The following LCLAT1 variants were observed in gnomAD, a reference collection of about 807,000 sequenced individuals.
LCLAT1 encodes 1-AGP acyltransferase 8.
A neutral mutation model predicts 30.7 loss-of-function variants in LCLAT1; 11 were observed. The ratio of observed to expected loss-of-function variants is 0.36; its 90% CI spans 0.23 to 0.59. LCLAT1 has a LOEUF of 0.59. LCLAT1 is among the 20% of genes least tolerant of loss of function. The pLI is 0.77. For synonymous variants in LCLAT1, 155 were observed against 151.3 expected, an observed-to-expected ratio of 1.02 and a Z score of -0.18; for missense variants, 402 against 458.6, an observed-to-expected ratio of 0.88 and a Z score of 1.13.
At chr2:30,469,896 A>T (rs1682688231) in intron 1 of LCLAT1, among the ~76,000 whole-genome samples, 1 of 151,920 alleles carries the variant, frequency 6.6e-6, no homozygotes, top group Non-Finnish European at 1.5e-5. Flanking sequence ...CCTGGCCCTA[A>T]TTTTTGTATT....
intron 2 of LCLAT1, 132 bp from the exon 3 acceptor site, chr2:30,532,984 T>C: frequency 1.5e-6 from 1 of 657,066 alleles, no homozygotes; most frequent in East Asian, 2.7e-5. Flanking sequence ...TTTTTTATTA[T>C]AGAAGCAAGG....
chr2:30,548,743 TACAAGG>T (rs1664543054), intron 3 of LCLAT1, among the ~76,000 whole-genome samples: 2 of 152,202 alleles, frequency 1.3e-5, no homozygotes, highest in African/African-American at 4.8e-5. Flanking sequence ...CAAAAAACTT[TACAAGG>T]CAATTTCAAA....
chr2:30,518,503 T>C (rs1445090220), intron 1 of LCLAT1, among the ~76,000 whole-genome samples: 4 of 152,192 alleles, frequency 2.6e-5, no homozygotes, highest in Non-Finnish European at 5.9e-5. Flanking sequence ...TCTAAGTTAA[T>C]TTAGACTAAA....
intron 3 of LCLAT1, among the ~76,000 whole-genome samples, chr2:30,560,573 G>A (rs1485687227): frequency 1.3e-5 from 2 of 152,072 alleles, no homozygotes; most frequent in African/African-American, 4.8e-5. Flanking sequence ...GCTGACCTCA[G>A]GTGATCCATA....
At chr2:30,489,631 C>T (rs879795271) in intron 1 of LCLAT1, among the ~76,000 whole-genome samples, 2 of 152,204 alleles carry the variant, frequency 1.3e-5, no homozygotes, top group Non-Finnish European at 2.9e-5. Flanking sequence ...GGATTACAGG[C>T]GTGAGCACCG....
intron 5 of LCLAT1, among the ~76,000 whole-genome samples, chr2:30,578,253 C>T (rs921140251): frequency 4.6e-5 from 7 of 152,166 alleles, no homozygotes; most frequent in Middle Eastern, 3.4e-3. Flanking sequence ...TTTTAAATTC[C>T]TATTGTATAT....
At chr2:30,518,523 A>G (rs931761478) in intron 1 of LCLAT1, among the ~76,000 whole-genome samples, 7 of 152,224 alleles carry the variant, frequency 4.6e-5, no homozygotes, top group African/African-American at 1.7e-4. Context: ...ACAAAGTCTT[A>G]GTAATAGCAA....
At chr2:30,603,746 A>C (rs1190612087) in intron 5 of LCLAT1, among the ~76,000 whole-genome samples, 1 of 152,158 alleles carries the variant, frequency 6.6e-6, no homozygotes, top group Non-Finnish European at 1.5e-5. Flanking sequence ...ACATGCATGT[A>C]AGATTATAGT....
intron 3 of LCLAT1, among the ~76,000 whole-genome samples, chr2:30,549,694 C>A (rs892973204): frequency 3.9e-5 from 6 of 152,100 alleles, no homozygotes; most frequent in Non-Finnish European, 8.8e-5. Context: ...TTCAGTTGTT[C>A]TTTGTCTTGG....
At chr2:30,530,857 T>G (rs1212834325) in intron 2 of LCLAT1, among the ~76,000 whole-genome samples, 1 of 152,178 alleles carries the variant, frequency 6.6e-6, no homozygotes, top group African/African-American at 2.4e-5. Context: ...TCTTGGATTT[T>G]TTATGTTATT....
At chr2:30,473,181 AC>A (rs1682881914) in intron 1 of LCLAT1, among the ~76,000 whole-genome samples, 1 of 152,190 alleles carries the variant, frequency 6.6e-6, no homozygotes, top group African/African-American at 2.4e-5. Context: ...CATATGTTAG[AC>A]AGTTATATGT....
chr2:30,618,731 T>C (rs1005173577), intron 5 of LCLAT1, among the ~76,000 whole-genome samples: 1 of 152,178 alleles, frequency 6.6e-6, no homozygotes, highest in Non-Finnish European at 1.5e-5. Context: ...AAAATTTCAG[T>C]GTTCAGTTAT....
At chr2:30,603,573 G>A (rs528671944) in intron 5 of LCLAT1, among the ~76,000 whole-genome samples, 5 of 152,020 alleles carry the variant, frequency 3.3e-5, no homozygotes, top group South Asian at 2.1e-4. Context: ...AAACATTCAA[G>A]ATCTCCTTTG....
chr2:30,525,813 T>C (rs929016459), intron 2 of LCLAT1, 58 bp downstream of exon 2: 43 of 1,448,280 alleles, frequency 3.0e-5, no homozygotes, highest in African/African-American at 1.3e-4. Context: ...CCACCCCTGA[T>C]AGATACCTAA....
At chr2:30,560,283 G>GGTGTGTGTGTGTGT (rs57326977) in intron 3 of LCLAT1, among the ~76,000 whole-genome samples, 9 of 144,584 alleles carry the variant, frequency 6.2e-5, no homozygotes, top group South Asian at 2.3e-4. Flanking sequence ...AATAAAGTGT[G>GGTGTGTGTGTGTGT]GTGTGTGTGT....
chr2:30,459,576 C>A, intron 1 of LCLAT1: 2 of 1,442,376 alleles, frequency 1.4e-6, no homozygotes, highest in South Asian at 2.3e-5. Flanking sequence ...TGGGTACTCT[C>A]TTCTGGGAAG....
intron 1 of LCLAT1, among the ~76,000 whole-genome samples, chr2:30,515,253 C>T (rs1685125864): frequency 1.3e-5 from 2 of 152,190 alleles, no homozygotes; most frequent in Admixed American, 1.3e-4. Flanking sequence ...CCCTTAACAC[C>T]TGTTGCATAC....
At chr2:30,556,059 G>T (rs1664905662) in intron 3 of LCLAT1, among the ~76,000 whole-genome samples, 1 of 151,974 alleles carries the variant, frequency 6.6e-6, no homozygotes, top group African/African-American at 2.4e-5. Flanking sequence ...CTTCCAAAGT[G>T]CTGGGATTAT....
intron 5 of LCLAT1, among the ~76,000 whole-genome samples, chr2:30,620,657 C>G (rs543674033): frequency 6.6e-6 from 1 of 152,238 alleles, no homozygotes; most frequent in South Asian, 2.1e-4. Context: ...AAGAAATTTC[C>G]TTCCTCAAAA....
Sources: allele counts gnomAD v4.1 joint callset (sites outside exome capture counted in the v4.1 genomes callset), GRCh38; gene constraint gnomAD v4.1.1; transcripts MANE v1.5; gene names NCBI Gene and HGNC (gene_info 2026-07-23, HGNC 2026-07-21).